Variants in KLC1 observed in about 807,000 individuals in gnomAD.
The protein encoded by KLC1 is kinesin light chain 1.
Under a neutral mutation model 84.2 loss-of-function variants are expected in KLC1, and 30 were observed. The observed-to-expected ratio is 0.36, with a 90% CI of 0.27 to 0.48. The LOEUF is 0.48. Ranked by LOEUF, KLC1 falls within the 20% of genes least tolerant of loss-of-function variation. KLC1 has a pLI of 0.99. For synonymous variants in KLC1, 289 were observed against 293.3 expected (o/e 0.99, Z 0.15); for missense variants, 499 against 805.4 (o/e 0.62, Z 4.60).
At chr14:103,651,638 G>A (rs1026597227) in intron 1 of KLC1, among the ~76,000 whole-genome samples, 46 of 152,142 alleles carry the variant, frequency 3.0e-4, no homozygotes, top group Admixed American at 1.2e-3. Context: ...TGGTCACCTG[G>A]GGGGCAGGTT....
chr14:103,679,129 T>G (rs946744265), intron 12 of KLC1, among the ~76,000 whole-genome samples: 1 of 152,106 alleles, frequency 6.6e-6, no homozygotes, highest in Non-Finnish European at 1.5e-5. Context: ...GTCCTAGGTA[T>G]AGACCCAGAA....
At chr14:103,662,573 A>G (rs2151578427) in intron 4 of KLC1, 129 bp from the exon 5 acceptor site, 1 of 720,414 alleles carries the variant, frequency 1.4e-6, no homozygotes, top group East Asian at 2.7e-5. Flanking sequence ...AGTACTAGGA[A>G]AAGATTTAAA....
At position 103,693,657 on chromosome 14, in the gene KLC1, G is replaced by T; in HGVS notation, c.1848+1232G>T. On this transcript the variant is annotated intron_variant, in intron 15 of 16. Transcript: ENST00000334553. The surrounding 1 kb of genome is among the most constrained non-coding windows in gnomAD (Gnocchi z 5.1). ...TAGGTAACCTGTCTTGGGAGTGTGA[G>T]ACCGCCCCGCCCTGCCACGCCCCTC... The T allele has an allele frequency of 6.5e-7, 1 of 1,531,788 alleles. No homozygotes were observed. Among genetic ancestry groups the T allele is most frequent in the South Asian group, 1.2e-5 (1 of 83,786 alleles). The allele number at this position is 1,531,788 out of a possible 1,614,324, so 94.9% of individuals were successfully genotyped here. A position where few individuals can be genotyped will look rare whatever the true frequency, so the allele number is the denominator to read the frequency against.
intron 9 of KLC1, among the ~76,000 whole-genome samples, chr14:103,674,978 C>T (rs1166007920): frequency 6.6e-6 from 1 of 152,132 alleles, no homozygotes; most frequent in Non-Finnish European, 1.5e-5. Context: ...CTTTTTCCTC[C>T]AGTGTGAACC....
intron 15 of KLC1, chr14:103,699,647 A>G (rs2082947648): frequency 6.6e-7 from 1 of 1,510,958 alleles, no homozygotes; most frequent in East Asian, 2.3e-5. Flanking sequence ...CCCCGTTTGG[A>G]CTGTCACTCG....
intron 15 of KLC1, chr14:103,699,366 G>T (rs1435280571): frequency 2.5e-6 from 4 of 1,604,776 alleles, no homozygotes; most frequent in South Asian, 1.1e-5. Flanking sequence ...GTGCTCACCT[G>T]GTTGATGCAC....
chr14:103,688,982 A>T (rs917703895), intron 14 of KLC1, among the ~76,000 whole-genome samples: 2 of 152,178 alleles, frequency 1.3e-5, no homozygotes, highest in Non-Finnish European at 2.9e-5. Flanking sequence ...ATAGATTACT[A>T]TCTGCCTCTC....
rs577210732 is a variant in KLC1 at position 103,696,859 on chromosome 14, G to C, written c.1849-3796G>C. The C allele has an allele frequency of 1.1e-5, 11 of 962,162 alleles. No homozygotes were observed. The East Asian group carries it at 6.3e-4, about 55-fold the overall frequency. 59.6% of individuals were successfully genotyped at this position (962,162 alleles called of 1,614,324 possible). A position where few individuals can be genotyped will look rare whatever the true frequency, so the allele number is the denominator to read the frequency against. On this transcript the variant is annotated intron_variant, in intron 15 of 16. Coordinates refer to ENST00000334553, the MANE Select transcript of KLC1 (RefSeq NM_001394837.1). The stretch of plus-strand genomic sequence containing the variant: ...GGAACTGTGCTCCCCAGGGCGTGGT[G>C]CCTCCCTAAGGGGATGGTCAGTGTT...
intron 12 of KLC1, 97 bp from the exon 13 acceptor site, chr14:103,679,287 T>TG: frequency 3.7e-6 from 5 of 1,334,092 alleles, no homozygotes; most frequent in South Asian, 1.3e-5. Context: ...GATTAAGAAC[T>TG]GTTTTTTTTT....
At position 103,670,342 on chromosome 14, in the gene KLC1, T is replaced by G. The variant is rs569205098; in HGVS notation, c.987+59T>G. The G allele has an allele frequency of 1.1e-5, 12 of 1,138,106 alleles. No individual in the cohort carries two copies. In the South Asian group the frequency reaches 1.4e-4, roughly 14 times the overall value. 70.5% of individuals were successfully genotyped at this position (1,138,106 alleles called of 1,614,324 possible). On this transcript the variant is annotated intron_variant, in intron 7 of 16. Coordinates refer to ENST00000334553, the MANE Select transcript of KLC1 (RefSeq NM_001394837.1). ...ATTTTTGTTTTGTGTGTGTGTGGTT[T>G]TTTTTTTTTTTTTGAGATGGAGTCT...
chr14:103,685,650 G>A (rs753082197), intron 13 of KLC1: 26 of 1,289,412 alleles, frequency 2.0e-5, no homozygotes, highest in Middle Eastern at 4.3e-4. Context: ...CTAGCCGCCC[G>A]TGACTCTCAC....
chr14:103,657,890 A>T, intron 3 of KLC1, 114 bp downstream of exon 3: 6 of 766,928 alleles, frequency 7.8e-6, no homozygotes. Flanking sequence ...AGAACATTAG[A>T]ACATGCAAAA....
At chr14:103,684,953 G>A (rs778324178) in intron 13 of KLC1, 10 of 833,330 alleles carry the variant, frequency 1.2e-5, no homozygotes, top group Non-Finnish European at 2.0e-5. Flanking sequence ...TTTTTGAGGT[G>A]TTGGTAACAA....
chr14:103,696,311 C>G, intron 15 of KLC1: 3 of 985,290 alleles, frequency 3.0e-6, no homozygotes, highest in Non-Finnish European at 3.6e-6. Flanking sequence ...CCGGTGGTGC[C>G]CGCGGGTGGC....
chr14:103,677,289 C>A, intron 11 of KLC1, 126 bp from the exon 12 acceptor site: 1 of 675,670 alleles, frequency 1.5e-6, no homozygotes, highest in Admixed American at 2.5e-5. Flanking sequence ...CAGAAAAGTA[C>A]AAGAGAAAGT....
chr14:103,689,847 A>T (rs1362459007), intron 14 of KLC1, among the ~76,000 whole-genome samples: 3 of 152,162 alleles, frequency 2.0e-5, no homozygotes, highest in Non-Finnish European at 4.4e-5. Flanking sequence ...TTCGTTTCGT[A>T]AAAGGGGGTT....
intron 14 of KLC1, among the ~76,000 whole-genome samples, chr14:103,688,384 C>G (rs1199938029): frequency 2.6e-5 from 4 of 152,176 alleles, no homozygotes; most frequent in Non-Finnish European, 1.5e-5. Flanking sequence ...CTCCTGACTT[C>G]AGGTGATCTT....
chr14:103,677,408 C>T lies in KLC1; in HGVS notation c.1380-7C>T. The T allele has an allele frequency of 2.6e-6, 4 of 1,566,346 alleles. No individual in the cohort carries two copies. The highest frequency in any genetic ancestry group is 3.5e-6 in the Non-Finnish European group (4 of 1,136,548). ...CATAGTTCTGTATGTCATGTGCTTT[C>T]TTACAGTCCAACTGTTACAACCACT... On this transcript the variant is annotated splice_region_variant and splice_polypyrimidine_tract_variant and intron_variant, in intron 11 of 16. Coordinates refer to ENST00000334553, the MANE Select transcript of KLC1 (RefSeq NM_001394837.1).
At chr14:103,698,799 C>T in intron 15 of KLC1, 1 of 1,593,950 alleles carries the variant, frequency 6.3e-7, no homozygotes. Context: ...GCCACCGTGT[C>T]AGTGGGACTG....
Sources: gnomAD v4.1 joint callset for allele counts (sites outside exome capture counted in the v4.1 genomes callset) on GRCh38, gnomAD v4.1.1 for gene constraint, Gnocchi (gnomAD v3.1) non-coding constraint, MANE v1.5 for transcripts, NCBI Gene and HGNC (gene_info 2026-07-23, HGNC 2026-07-21) for gene names.